Variants in DCDC2C observed in about 807,000 individuals in gnomAD.
DCDC2C encodes doublecortin domain containing 2C, also known as doublecortin domain-containing protein 2C.
DCDC2C carries 44 observed loss-of-function variants against 45.0 expected under a neutral mutation model. That is an observed-to-expected ratio of 0.98 (90% CI 0.77 to 1.26). The LOEUF is 1.26. DCDC2C is among the 50% of genes most tolerant of loss of function. The pLI, the probability that DCDC2C is intolerant of heterozygous loss-of-function variation, is 0.00. For synonymous variants in DCDC2C, 187 were observed against 178.8 expected (o/e 1.05, Z -0.37); for missense variants, 447 against 468.9 (o/e 0.95, Z 0.43).
chr2:3,720,536 C>T (rs1668470858), intron 2 of DCDC2C, among the ~76,000 whole-genome samples: 1 of 152,164 alleles, frequency 6.6e-6, no homozygotes, highest in African/African-American at 2.4e-5. Context: ...AATGAAATAA[C>T]CATGTACCCT....
intron 3 of DCDC2C, among the ~76,000 whole-genome samples, chr2:3,732,228 G>T (rs1668892054): frequency 6.6e-6 from 1 of 152,062 alleles, no homozygotes; most frequent in South Asian, 2.1e-4. Context: ...AGTATGAAAA[G>T]GCAGGAGAAT....
At chr2:3,800,682 C>T (rs533197652) in intron 10 of DCDC2C, among the ~76,000 whole-genome samples, 10 of 125,344 alleles carry the variant, frequency 8.0e-5, no homozygotes, top group African/African-American at 1.8e-4. Context: ...CATTTCCTTA[C>T]ACAGGATATT....
At chr2:3,843,447 G>A (rs1023560922) in intron 10 of DCDC2C, among the ~76,000 whole-genome samples, 5 of 152,184 alleles carry the variant, frequency 3.3e-5, no homozygotes, top group African/African-American at 9.7e-5. Flanking sequence ...AAGGCTTCTC[G>A]CTGAAGACCT....
intron 3 of DCDC2C, among the ~76,000 whole-genome samples, chr2:3,740,847 C>T (rs991084837): frequency 2.6e-5 from 4 of 152,062 alleles, no homozygotes; most frequent in Non-Finnish European, 4.4e-5. Flanking sequence ...AGAGATATTT[C>T]TCAAATTCTA....
chr2:3,820,173 C>CA (rs1558242052), intron 10 of DCDC2C, among the ~76,000 whole-genome samples: 2 of 152,086 alleles, frequency 1.3e-5, no homozygotes, highest in Non-Finnish European at 2.9e-5. Context: ...CATTTTTTGA[C>CA]GAAAATCATC....
chr2:3,769,164 C>T (rs1189672552), intron 7 of DCDC2C, 147 bp from the exon 8 acceptor site: 23 of 655,478 alleles, frequency 3.5e-5, no homozygotes, highest in Non-Finnish European at 5.0e-5. Flanking sequence ...CGGGGTGAGG[C>T]GGACGGGGTT....
chr2:3,783,396 G>A lies in DCDC2C; in HGVS notation c.1024-1663G>A, dbSNP rs556496287. ...CAGGGCTCACTGCAGAGCCAGCCTC[G>A]TCCTTACGGCTCTCTGGATCCTTCT... On this transcript the variant is annotated intron_variant, in intron 9 of 10. Coordinates refer to ENST00000399143, the MANE Select transcript of DCDC2C (RefSeq NM_001287444.2). 5.9e-5 allele frequency among the ~76,000 whole-genome samples: 9 copies of A among 152,208 alleles called. No homozygotes were observed. In the East Asian group the frequency reaches 1.5e-3, roughly 26 times the overall value.
chr2:3,807,265 T>C (rs1671274419), intron 10 of DCDC2C, among the ~76,000 whole-genome samples: 1 of 152,178 alleles, frequency 6.6e-6, no homozygotes, highest in South Asian at 2.1e-4. Context: ...TTCTAGATGC[T>C]CAGCTGCTTA....
At chr2:3,714,579 C>G (rs962680798) in intron 2 of DCDC2C, among the ~76,000 whole-genome samples, 2 of 152,116 alleles carry the variant, frequency 1.3e-5, no homozygotes, top group East Asian at 3.8e-4. Flanking sequence ...TCATTTAGAC[C>G]ACATTTTTGT....
At chr2:3,755,455 ATGTG>A (rs918711334) in intron 6 of DCDC2C, among the ~76,000 whole-genome samples, 1 of 57,932 alleles carries the variant, frequency 1.7e-5, no homozygotes, top group African/African-American at 5.1e-5. Flanking sequence ...GTATGAATGC[ATGTG>A]TGTGTATGGA....
At chr2:3,730,927 A>G (rs539983165) in intron 3 of DCDC2C, among the ~76,000 whole-genome samples, 17 of 152,288 alleles carry the variant, frequency 1.1e-4, no homozygotes, top group East Asian at 7.7e-4. Context: ...CTGTCTCTTG[A>G]CAAATTTCCT....
intron 9 of DCDC2C, among the ~76,000 whole-genome samples, chr2:3,783,471 G>C (rs1670567870): frequency 6.6e-6 from 1 of 152,164 alleles, no homozygotes; most frequent in African/African-American, 2.4e-5. Flanking sequence ...TATTTTGTTT[G>C]TCCTTCCTAC....
At chr2:3,801,677 C>T (rs1471416403) in intron 10 of DCDC2C, among the ~76,000 whole-genome samples, 2 of 152,252 alleles carry the variant, frequency 1.3e-5, no homozygotes, top group Non-Finnish European at 2.9e-5. Flanking sequence ...AGCACAGAGC[C>T]TGAGCTTGTG....
At chr2:3,785,167 T>G in intron 10 of DCDC2C, 67 bp downstream of exon 10, 2 of 1,153,446 alleles carry the variant, frequency 1.7e-6, no homozygotes, top group Non-Finnish European at 2.2e-6. Flanking sequence ...AACAAGAGAA[T>G]CCACGGATCC....
chr2:3,748,087 G>A (rs1558576097), intron 4 of DCDC2C, among the ~76,000 whole-genome samples: 1 of 152,162 alleles, frequency 6.6e-6, no homozygotes, highest in Non-Finnish European at 1.5e-5. Context: ...GGTGAGGGAG[G>A]GCAGGAGCTG....
At chr2:3,765,713 A>G (rs1452322934) in intron 6 of DCDC2C, among the ~76,000 whole-genome samples, 2 of 152,214 alleles carry the variant, frequency 1.3e-5, no homozygotes, top group East Asian at 3.9e-4. Context: ...TGGAGAAACA[A>G]ACCAACATCC....
intron 10 of DCDC2C, among the ~76,000 whole-genome samples, chr2:3,793,397 A>G (rs996204297): frequency 6.6e-6 from 1 of 152,214 alleles, no homozygotes; most frequent in Non-Finnish European, 1.5e-5. Context: ...TTGCCACATG[A>G]CTTTGTCACT....
intron 3 of DCDC2C, among the ~76,000 whole-genome samples, chr2:3,730,204 A>C (rs1157705068): frequency 2.6e-5 from 4 of 152,172 alleles, no homozygotes; most frequent in African/African-American, 9.7e-5. Flanking sequence ...TAATCATGGC[A>C]CTTTGGGAGA....
intron 3 of DCDC2C, among the ~76,000 whole-genome samples, chr2:3,735,454 C>A (rs553631469): frequency 6.6e-6 from 1 of 152,130 alleles, no homozygotes; most frequent in African/African-American, 2.4e-5. Context: ...TGATGTTCCC[C>A]TTCCTGTGTC....
Sources: allele counts gnomAD v4.1 joint callset (sites outside exome capture counted in the v4.1 genomes callset), GRCh38; gene constraint gnomAD v4.1.1; transcripts MANE v1.5; gene names NCBI Gene and HGNC (gene_info 2026-07-23, HGNC 2026-07-21).